Variants in ARL17B observed in about 807,000 individuals in gnomAD.
ARL17B encodes the protein ARF like GTPase 17B, also known as ADP-ribosylation factor-like protein 17.
intron 4 of ARL17B, among the ~76,000 whole-genome samples, chr17:46,282,413 G>GT (rs1257201935): frequency 7.6e-6 from 1 of 131,414 alleles, no homozygotes; most frequent in African/African-American, 2.6e-5. Flanking sequence ...TCAGTTTTTT[G>GT]TTTGTTTTTT....
At chr17:46,289,764 G>T (rs543906735) in intron 4 of ARL17B, among the ~76,000 whole-genome samples, 1 of 151,988 alleles carries the variant, frequency 6.6e-6, no homozygotes, top group Non-Finnish European at 1.5e-5. Context: ...CTTAGCCCAC[G>T]TTTCCTTTAA....
At chr17:46,315,337 CA>C (rs1393237539) in intron 3 of ARL17B, among the ~76,000 whole-genome samples, 2 of 107,784 alleles carry the variant, frequency 1.9e-5, no homozygotes, top group Non-Finnish European at 4.3e-5. Flanking sequence ...CCAGCCAGGG[CA>C]ACATACTGAG....
At chr17:46,281,636 G>C (rs2049766060) in intron 4 of ARL17B, among the ~76,000 whole-genome samples, 2 of 152,110 alleles carry the variant, frequency 1.3e-5, no homozygotes, top group African/African-American at 4.8e-5. Context: ...TGTTATGTTG[G>C]TAAGGTTGGG....
At chr17:46,281,637 T>C (rs374401814) in intron 4 of ARL17B, among the ~76,000 whole-genome samples, 5,291 of 129,900 alleles carry the variant, frequency 0.041, no homozygotes, top group Middle Eastern at 0.08. Context: ...GTTATGTTGG[T>C]AAGGTTGGGA....
chr17:46,285,414 G>C (rs1262136934), intron 4 of ARL17B, among the ~76,000 whole-genome samples: 1 of 151,814 alleles, frequency 6.6e-6, no homozygotes, highest in Non-Finnish European at 1.5e-5. Flanking sequence ...CTAGTTTTTT[G>C]TATTTTTAGT....
In ARL17B at chr17:46,350,578, G is replaced by GA. The variant is rs1236664957; in HGVS notation, c.259+2241_259+2242insT. On this transcript the variant is annotated intron_variant, in intron 3 of 3. Coordinates refer to ENST00000450673, the MANE Select transcript of ARL17B (RefSeq NM_001039083.5). Reference sequence around the variant, plus strand: ...AAGCAGTTAAAAAAAAAAAAAAAGGGGGGGGGAGGCCAGGCGAGGTGGCTC... The same window carrying GA: ...AAGCAGTTAAAAAAAAAAAAAAAGGGAGGGGGGAGGCCAGGCGAGGTGGCTC... Among the ~76,000 whole-genome samples, 6 of 89,176 alleles carry GA rather than the reference G, an allele frequency of 6.7e-5. No individual in the cohort carries two copies. The East Asian group carries it at 1.4e-3, about 21-fold the overall frequency. 58.5% of individuals were successfully genotyped at this position (89,176 alleles called of 152,430 possible).
At chr17:46,291,592 T>C (rs1452983147) in intron 4 of ARL17B, among the ~76,000 whole-genome samples, 3 of 151,686 alleles carry the variant, frequency 2.0e-5, no homozygotes, top group East Asian at 1.9e-4. Context: ...CTTGCAAAAT[T>C]CAAATGTTTG....
intron 4 of ARL17B, among the ~76,000 whole-genome samples, chr17:46,291,969 C>CAAAAAAAAAAAAAA (rs59554870): frequency 2.4e-4 from 14 of 58,090 alleles, no homozygotes; most frequent in Admixed American, 4.0e-4. Context: ...TCTCAAAAAG[C>CAAAAAAAAAAAAAA]AAAAAAAAAA....
chr17:46,290,507 C>T (rs1169630313), intron 4 of ARL17B, among the ~76,000 whole-genome samples: 2 of 152,214 alleles, frequency 1.3e-5, no homozygotes, highest in East Asian at 3.9e-4. Context: ...CGTGCAGTGG[C>T]ATGATCTCGG....
intron 4 of ARL17B, among the ~76,000 whole-genome samples, chr17:46,288,205 G>A (rs2049969953): frequency 6.6e-6 from 1 of 151,924 alleles, no homozygotes; most frequent in Non-Finnish European, 1.5e-5. Flanking sequence ...GCAGGGGCAG[G>A]ATCACGGCCC....
Position 46,314,259 on chromosome 17 carries a change from G to GA in ARL17B, c.260-14595dup, listed in dbSNP as rs973997335. Among the ~76,000 whole-genome samples, 3 of 28,542 alleles carry GA rather than the reference G, an allele frequency of 1.1e-4. 1 individual carries two copies. Among genetic ancestry groups the GA allele is most frequent in the Non-Finnish European group, 3.4e-4 (3 of 8,920 alleles). 18.7% of individuals were successfully genotyped at this position (28,542 alleles called of 152,430 possible). On this transcript the variant is annotated intron_variant, in intron 3 of 4. Transcript: ENST00000434041. Reference sequence around the variant, plus strand: ...TTCAAAAGACAAAATTGTTTTAAAAGAAAAAAAATCCAGTTTGGAGAAGAA... The same window carrying GA: ...TTCAAAAGACAAAATTGTTTTAAAAGAAAAAAAAATCCAGTTTGGAGAAGAA...
At chr17:46,286,531 T>C (rs2049917494) in intron 4 of ARL17B, among the ~76,000 whole-genome samples, 3 of 152,220 alleles carry the variant, frequency 2.0e-5, no homozygotes, top group Admixed American at 2.0e-4. Flanking sequence ...TTAATCTCAT[T>C]AATTTCTATG....
chr17:46,305,396 A>G (rs1214412783), intron 3 of ARL17B: 1 of 371,964 alleles, frequency 2.7e-6, no homozygotes, highest in African/African-American at 2.0e-5. Flanking sequence ...TACAAGTCCA[A>G]ACGTTTAGAG....
At chr17:46,274,394 A>C (rs964641757), downstream of ARL17B, among the ~76,000 whole-genome samples, 1 of 152,262 alleles carries the variant, frequency 6.6e-6, no homozygotes, top group Admixed American at 6.5e-5. Flanking sequence ...AGGACCACTT[A>C]GCCCAACCTT....
At chr17:46,287,106 C>G (rs2049941475) in intron 4 of ARL17B, among the ~76,000 whole-genome samples, 1 of 152,208 alleles carries the variant, frequency 6.6e-6, no homozygotes, top group Non-Finnish European at 1.5e-5. Flanking sequence ...TGAATCCAAC[C>G]ATTCTACCCC....
chr17:46,279,789 C>A (rs1471596886), intron 4 of ARL17B, among the ~76,000 whole-genome samples: 7 of 152,210 alleles, frequency 4.6e-5, no homozygotes, highest in African/African-American at 7.2e-5. Flanking sequence ...ACCACCATTC[C>A]CAGCCAACAG....
chr17:46,291,208 G>A (rs1367294550), intron 4 of ARL17B, among the ~76,000 whole-genome samples: 3 of 152,320 alleles, frequency 2.0e-5, no homozygotes, highest in Admixed American at 6.5e-5. Context: ...ATCGTGGGAC[G>A]GATTTTGGGA....
intron 4 of ARL17B, among the ~76,000 whole-genome samples, chr17:46,284,157 C>A (rs2732622): frequency 0.12 from 18,451 of 151,874 alleles, no homozygotes; most frequent in Non-Finnish European, 0.18. Flanking sequence ...TCAGCACAGA[C>A]CCTTTAAGGG....
At chr17:46,277,007 G>A (rs2049608582) in intron 4 of ARL17B, among the ~76,000 whole-genome samples, 1 of 152,072 alleles carries the variant, frequency 6.6e-6, no homozygotes, top group Non-Finnish European at 1.5e-5. Flanking sequence ...GTTTCCCCAT[G>A]TTGCCCAGGC....
Sources: allele counts gnomAD v4.1 joint callset (sites outside exome capture counted in the v4.1 genomes callset), GRCh38; gene constraint gnomAD v4.1.1; transcripts MANE v1.5; gene names NCBI Gene and HGNC (gene_info 2026-07-23, HGNC 2026-07-21).